The following PCDH15 variants were observed in gnomAD, a reference collection of about 807,000 sequenced individuals.
PCDH15 encodes the protein protocadherin-15.
A neutral mutation model predicts 178.5 loss-of-function variants in PCDH15; 129 were observed. The observed-to-expected ratio is 0.72, with a 90% CI of 0.63 to 0.84. PCDH15 has a LOEUF of 0.84. PCDH15 is among the 40% of genes least tolerant of loss of function. PCDH15 has a pLI of 0.00. For missense variants in PCDH15, 2,230 were observed against 2,099.9 expected (o/e 1.06, Z -1.21); for synonymous variants, 800 against 732.0 (o/e 1.09, Z -1.50).
At chr10:54,711,312 G>A (rs2095426103) in intron 1 of PCDH15, among the ~76,000 whole-genome samples, 1 of 151,936 alleles carries the variant, frequency 6.6e-6, no homozygotes, top group South Asian at 2.1e-4. Context: ...AGGAAGTGTT[G>A]ATAACATATC....
intron 8 of PCDH15, among the ~76,000 whole-genome samples, chr10:54,259,592 C>T (rs997375465): frequency 6.6e-6 from 1 of 152,080 alleles, no homozygotes; most frequent in African/African-American, 2.4e-5. Flanking sequence ...AATTCAGTAA[C>T]TATAAAATTA....
intron 14 of PCDH15, among the ~76,000 whole-genome samples, chr10:54,138,968 T>C (rs561592713): frequency 2.0e-4 from 31 of 152,276 alleles, no homozygotes; most frequent in Non-Finnish European, 3.4e-4. Flanking sequence ...CCCAAAGTAT[T>C]TTTCAAGTTC....
At chr10:53,984,148 C>T (rs7079616) in intron 21 of PCDH15, among the ~76,000 whole-genome samples, 1,219 of 62,958 alleles carry the variant, frequency 0.019, no homozygotes, top group Middle Eastern at 0.043. Context: ...TTTTTCTTTT[C>T]TTTTTTTTTT....
At chr10:54,854,993 C>G (rs891603013) in intron 3 of PCDH15, among the ~76,000 whole-genome samples, 4 of 152,214 alleles carry the variant, frequency 2.6e-5, no homozygotes, top group African/African-American at 9.6e-5. Context: ...TGTTAAAACC[C>G]CATCCACGTT....
intron 3 of PCDH15, among the ~76,000 whole-genome samples, chr10:54,863,038 T>C (rs1591749755): frequency 6.6e-6 from 1 of 152,312 alleles, no homozygotes; most frequent in Non-Finnish European, 1.5e-5. Context: ...ATTTATTTTC[T>C]AACATCCCAT....
intron 3 of PCDH15, among the ~76,000 whole-genome samples, chr10:54,823,226 C>CA (rs4007204): frequency 2.0e-5 from 2 of 98,798 alleles, no homozygotes; most frequent in African/African-American, 3.5e-5. Context: ...CACACACACA[C>CA]GCACACGCAC....
chr10:54,378,863 A>G lies in PCDH15; in HGVS notation c.237T>C (p.Asp79=). The G allele has an allele frequency of 6.2e-7, 1 of 1,613,872 alleles. No individual in the cohort carries two copies. Among genetic ancestry groups the G allele is most frequent in the Non-Finnish European group, 8.5e-7 (1 of 1,179,846 alleles). ...PDPTIELSLK[D]NVDYWVLMDP... is the part of the protein sequence containing the mutation. ...CCATCAACACCCAGTAATCCACATTATCCTTTAAAGAAAGTTCTATGGTGG... is the reference window on the plus strand; with the variant it reads ...CCATCAACACCCAGTAATCCACATTGTCCTTTAAAGAAAGTTCTATGGTGG... Residue 79 remains aspartate (D), a synonymous_variant, in exon 4 of 38, where the codon GAT becomes GAC. Coordinates refer to ENST00000644397, the MANE Select transcript of PCDH15 (RefSeq NM_001384140.1).
At chr10:55,078,914 G>A (rs1260639377) in intron 2 of PCDH15, among the ~76,000 whole-genome samples, 4 of 151,966 alleles carry the variant, frequency 2.6e-5, no homozygotes, top group East Asian at 1.9e-4. Context: ...TTAGAATAAC[G>A]ACCTCCAGCT....
intron 2 of PCDH15, among the ~76,000 whole-genome samples, chr10:55,090,602 C>T (rs748811164): frequency 4.6e-5 from 7 of 152,014 alleles, no homozygotes; most frequent in Non-Finnish European, 7.4e-5. Context: ...TCCTCCTGTT[C>T]CATGCACTTG....
At chr10:54,148,537 C>A (rs1254723430) in intron 14 of PCDH15, among the ~76,000 whole-genome samples, 3 of 151,922 alleles carry the variant, frequency 2.0e-5, no homozygotes, top group South Asian at 4.1e-4. Flanking sequence ...CAAATATTTT[C>A]AATTGTTGCA....
At chr10:55,500,432 A>C (rs1013608298) in intron 2 of PCDH15, among the ~76,000 whole-genome samples, 2 of 151,852 alleles carry the variant, frequency 1.3e-5, no homozygotes, top group African/African-American at 4.8e-5. Context: ...GAATACAAGA[A>C]AGTTTTACAA....
rs150682833 is a variant in PCDH15 at position 54,323,485 on chromosome 10, T to C, written c.706-6044A>G. Among the ~76,000 whole-genome samples the C allele has an allele frequency of 8.5e-3, 1,286 of 152,158 alleles. 12 individuals are homozygous for C. Among genetic ancestry groups the C allele is most frequent in the Non-Finnish European group, 0.012 (784 of 67,996 alleles). On this transcript the variant is annotated intron_variant, in intron 7 of 37. Transcript: ENST00000644397. ...AACCTAGGTGCCCATCAATAGTGGA[T>C]TGCATAAAGAAAATGTGGTGCATAT... is the stretch of plus-strand genomic sequence containing the variant.
chr10:54,438,018 A>G (rs1005699865), intron 3 of PCDH15, among the ~76,000 whole-genome samples: 1 of 152,088 alleles, frequency 6.6e-6, no homozygotes, highest in Non-Finnish European at 1.5e-5. Flanking sequence ...AAGACAATAA[A>G]TCTATTTTTG....
At chr10:54,371,010 C>T (rs1947580651) in intron 4 of PCDH15, among the ~76,000 whole-genome samples, 1 of 151,832 alleles carries the variant, frequency 6.6e-6, no homozygotes, top group Admixed American at 6.6e-5. Context: ...TATATCTACT[C>T]TATTTCTCCT....
At chr10:53,977,081 C>A (rs1475474005) in intron 21 of PCDH15, among the ~76,000 whole-genome samples, 1 of 152,020 alleles carries the variant, frequency 6.6e-6, no homozygotes, top group Non-Finnish European at 1.5e-5. Context: ...GCAATATAAA[C>A]CCCTGATTTT....
intron 2 of PCDH15, among the ~76,000 whole-genome samples, chr10:55,386,091 G>A (rs1588975772): frequency 6.6e-6 from 1 of 151,636 alleles, no homozygotes; most frequent in Non-Finnish European, 1.5e-5. Context: ...ATAAAATACT[G>A]TATATTTCTC....
intron 21 of PCDH15, among the ~76,000 whole-genome samples, chr10:53,988,806 TGTGAG>T (rs1461121659): frequency 6.6e-6 from 1 of 152,216 alleles, no homozygotes; most frequent in Non-Finnish European, 1.5e-5. Context: ...ACCCAGGTCC[TGTGAG>T]GTATATTCTT....
At chr10:54,332,437 C>G (rs1940020047) in intron 6 of PCDH15, among the ~76,000 whole-genome samples, 1 of 141,864 alleles carries the variant, frequency 7.0e-6, no homozygotes, top group South Asian at 2.1e-4. Context: ...ATTCCTGTCT[C>G]TATGTGTTTA....
chr10:54,218,653 G>A (rs2052380584), intron 9 of PCDH15, among the ~76,000 whole-genome samples: 1 of 152,282 alleles, frequency 6.6e-6, no homozygotes, highest in East Asian at 1.9e-4. Context: ...CCAGAACTGT[G>A]AGAAAACACC....
Sources: gnomAD v4.1 joint callset for allele counts (sites outside exome capture counted in the v4.1 genomes callset) on GRCh38, gnomAD v4.1.1 for gene constraint, MANE v1.5 for transcripts, NCBI Gene and HGNC (gene_info 2026-07-23, HGNC 2026-07-21) for gene names.